The following NRDE2 variants were observed in gnomAD, a reference collection of about 807,000 sequenced individuals.
NRDE2 encodes the protein nuclear exosome regulator NRDE2.
NRDE2 carries 76 observed loss-of-function variants against 124.2 expected under a neutral mutation model. The observed-to-expected ratio is 0.61, with a 90% CI of 0.51 to 0.74. The LOEUF (loss-of-function observed/expected upper bound fraction) is 0.74. NRDE2 is among the 30% of genes least tolerant of loss of function. The pLI is 0.00. For missense variants in NRDE2, 1,314 were observed against 1,417.3 expected, an observed-to-expected ratio of 0.93 and a Z score of 1.17; for synonymous variants, 489 against 528.1, an observed-to-expected ratio of 0.93 and a Z score of 1.01.
At chr14:90,300,505 GTTTT>G (rs1215186467) in intron 7 of NRDE2, among the ~76,000 whole-genome samples, 1 of 151,826 alleles carries the variant, frequency 6.6e-6, no homozygotes, top group Non-Finnish European at 1.5e-5. Context: ...AGAAAACTGA[GTTTT>G]ATTTAGTGGA....
At chr14:90,302,630 A>T in intron 6 of NRDE2, 90 bp downstream of exon 6, 1 of 1,302,252 alleles carries the variant, frequency 7.7e-7, no homozygotes, top group Non-Finnish European at 1.0e-6. Context: ...GACTTTTTCT[A>T]GAATAAATCA....
intron 3 of NRDE2, among the ~76,000 whole-genome samples, chr14:90,314,400 A>G (rs1409831846): frequency 1.3e-5 from 2 of 152,236 alleles, no homozygotes; most frequent in Non-Finnish European, 2.9e-5. Context: ...AGACAGTAAA[A>G]GAGAAGGACA....
chr14:90,300,228 C>A (rs1283241509), intron 7 of NRDE2, among the ~76,000 whole-genome samples: 1 of 152,180 alleles, frequency 6.6e-6, no homozygotes, highest in Non-Finnish European at 1.5e-5. Context: ...AGAATCACTT[C>A]TGTAGTACAG....
At chr14:90,283,713 G>GT (rs200387827) in intron 12 of NRDE2, among the ~76,000 whole-genome samples, 9,224 of 142,374 alleles carry the variant, frequency 0.065, 489 homozygotes, top group East Asian at 0.2. Flanking sequence ...CAGGTTTTTT[G>GT]TTTTTTTTTT....
At position 90,312,429 on chromosome 14, in the gene NRDE2, C is replaced by T. The variant is rs761086826; in HGVS notation, c.522G>A (p.Trp174Ter). ...RTDKKPDPAN[W>*]EYKSLYRGDI... ...CCCCTCGGTAGAGAGACTTGTACTC[C>T]CAGTTCGCAGGATCTGGTTTCTTAT... is the stretch of plus-strand genomic sequence containing the variant. Residue 174 changes from tryptophan to a stop codon, truncating the protein, a stop_gained, in exon 4 of 14, where the codon TGG (tryptophan) becomes TGA (stop). Transcript: ENST00000354366. LOFTEE classifies it high-confidence loss of function. The T allele has an allele frequency of 1.9e-6, 3 of 1,614,014 alleles. No homozygotes were observed. The South Asian group carries it at 3.3e-5, about 18-fold the overall frequency.
chr14:90,301,528 G>A (rs541942345), intron 6 of NRDE2, among the ~76,000 whole-genome samples, 156 bp from the exon 7 acceptor site: 8 of 152,280 alleles, frequency 5.3e-5, no homozygotes, highest in East Asian at 1.9e-4. Flanking sequence ...GATTTAAAGC[G>A]TCTCACACAG....
At chr14:90,317,792 C>T (rs1885098348) in intron 2 of NRDE2, 2 of 419,500 alleles carry the variant, frequency 4.8e-6, no homozygotes, top group East Asian at 7.4e-5. Context: ...GGCCTAATTA[C>T]AGGCACTAAC....
chr14:90,321,370 T>C (rs1158291407), intron 1 of NRDE2, among the ~76,000 whole-genome samples: 1 of 151,898 alleles, frequency 6.6e-6, no homozygotes, highest in Non-Finnish European at 1.5e-5. Context: ...GCCAGGCTTT[T>C]GAGGATACAA....
chr14:90,283,713 G>GTT (rs200387827), intron 12 of NRDE2, among the ~76,000 whole-genome samples: 15 of 142,492 alleles, frequency 1.1e-4, no homozygotes, highest in Admixed American at 2.8e-4. Context: ...CAGGTTTTTT[G>GTT]TTTTTTTTTT....
Position 90,302,792 on chromosome 14 carries a change from T to C in NRDE2, c.1339A>G (p.Thr447Ala). ...IHSLYGKCLS[T>A]LSAVKDGSIL... ...CTGCCGTCCTTAACAGCAGACAAAG[T>C]GCTCAAGCATTTTCCATAAAGACTG... The change falls in exon 6 of 14, where the codon ACT (threonine) becomes GCT (alanine). Residue 447 changes from threonine to alanine, a missense_variant. Coordinates refer to ENST00000354366, the MANE Select transcript of NRDE2 (RefSeq NM_017970.4). 1 of 1,614,140 alleles carries C rather than the reference T, an allele frequency of 6.2e-7. No homozygotes were observed. The highest frequency in any genetic ancestry group is 1.1e-5 in the South Asian group (1 of 91,084).
Position 90,318,092 on chromosome 14 carries a change from G to A in NRDE2, c.86C>T (p.Pro29Leu), listed in dbSNP as rs758688729. 47 of 1,613,776 alleles carry A rather than the reference G, an allele frequency of 2.9e-5. No individual in the cohort carries two copies. The highest frequency in any genetic ancestry group is 3.6e-5 in the Non-Finnish European group (43 of 1,179,914). Reference protein sequence around the residue: ...SRKELDWLSNPSFCVGSITSL... With the variant: ...SRKELDWLSNLSFCVGSITSL... ...CGTTATGGATCCAACACAAAAGCTT[G>A]GGTTGCTCAGCCAGTCTAACTCTGC... The change falls in exon 2 of 14, where the codon CCA becomes CTA. Residue 29 changes from proline to leucine, a missense_variant. Transcript: ENST00000354366.
chr14:90,330,629 A>G (rs566857220), intron 1 of NRDE2, among the ~76,000 whole-genome samples: 1 of 152,196 alleles, frequency 6.6e-6, no homozygotes, highest in South Asian at 2.1e-4. Flanking sequence ...TGGTCAACAC[A>G]GTGAGACCTC....
At position 90,275,143 on chromosome 14, in the gene NRDE2, A is replaced by AG. The variant is rs1891775948; in HGVS notation, c.*3192dup. The AG allele has an allele frequency of 6.6e-6, 1 of 152,194 alleles. No individual in the cohort carries two copies. Among genetic ancestry groups the AG allele is most frequent in the South Asian group, 2.1e-4 (1 of 4,828 alleles). The allele number at this position is 152,194 out of a possible 1,614,324, so 9.4% of individuals were successfully genotyped here. A position where few individuals can be genotyped will look rare whatever the true frequency, so the allele number is the denominator to read the frequency against. ...TTCTACAAATTCAGAACACTTCAAA[A>AG]GTATCCACGTCTTGGAAGTCAAAAA... On this transcript the variant is annotated 3_prime_UTR_variant, in exon 14 of 14. Transcript: ENST00000354366.
chr14:90,325,087 T>G (rs1377619801), intron 1 of NRDE2, among the ~76,000 whole-genome samples: 2 of 151,954 alleles, frequency 1.3e-5, no homozygotes, highest in Non-Finnish European at 2.9e-5. Flanking sequence ...ACTAAAGAAT[T>G]GAATGGGTGG....
intron 7 of NRDE2, among the ~76,000 whole-genome samples, chr14:90,298,814 A>C (rs919643191): frequency 6.6e-6 from 1 of 152,084 alleles, no homozygotes; most frequent in Non-Finnish European, 1.5e-5. Flanking sequence ...CTGCCAGTTC[A>C]CCTAGTATCA....
chr14:90,316,071 G>T (rs1316939850), intron 3 of NRDE2, among the ~76,000 whole-genome samples: 2 of 151,850 alleles, frequency 1.3e-5, no homozygotes, highest in Non-Finnish European at 2.9e-5. Context: ...CTTCGACATA[G>T]TGGTCTTAAA....
intron 12 of NRDE2, chr14:90,281,493 G>GT (rs1164784833): frequency 1.2e-4 from 18 of 152,338 alleles, no homozygotes; most frequent in African/African-American, 4.3e-4. Flanking sequence ...GGGGAGGCGA[G>GT]TAACAGTGGC....
Position 90,269,477 on chromosome 14 carries a change from C to T in NRDE2, c.*8859G>A. The T allele has an allele frequency of 1.2e-6, 2 of 1,613,066 alleles. No individual in the cohort carries two copies. Among genetic ancestry groups the T allele is most frequent in the South Asian group, 1.1e-5 (1 of 91,050 alleles). ...CTGAACCAGTTGGATGGATTTGATT[C>T]TAGGGGAGATGTGAAAGTTATCATG... On this transcript the variant is annotated 3_prime_UTR_variant, in exon 14 of 14. Transcript: ENST00000354366.
chr14:90,312,324 GC>G, intron 4 of NRDE2, 69 bp downstream of exon 4: 3 of 1,473,402 alleles, frequency 2.0e-6, no homozygotes, highest in Non-Finnish European at 2.8e-6. Flanking sequence ...GGCAGACAGT[GC>G]CAAGAGAGTT....
Sources: allele counts gnomAD v4.1 joint callset (sites outside exome capture counted in the v4.1 genomes callset), GRCh38; gene constraint gnomAD v4.1.1; transcripts MANE v1.5; gene names NCBI Gene and HGNC (gene_info 2026-07-23, HGNC 2026-07-21).